The following CCM2 variants were observed in gnomAD, a reference collection of about 807,000 sequenced individuals.
The protein encoded by CCM2 is CCM2 scaffold protein, also known as cerebral cavernous malformations 2 protein.
A neutral mutation model predicts 44.9 loss-of-function variants in CCM2; 25 were observed. The ratio of observed to expected loss-of-function variants is 0.56; its 90% CI spans 0.41 to 0.78. The LOEUF is 0.78. Among genes scored for constraint, CCM2 ranks in the 30% least tolerant of loss-of-function variants. The pLI, the probability that CCM2 is intolerant of heterozygous loss-of-function variation, is 0.00. For missense variants in CCM2, 481 were observed against 580.6 expected, an observed-to-expected ratio of 0.83 and a Z score of 1.76; for synonymous variants, 219 against 241.1, an observed-to-expected ratio of 0.91 and a Z score of 0.85.
At position 45,076,133 on chromosome 7, in the gene CCM2, T is replaced by A; in HGVS notation, c.*76T>A. On this transcript the variant is annotated 3_prime_UTR_variant, in exon 10 of 10. Transcript: ENST00000258781. ...CTTCCCAGAAGGAGCTGCCCAGACCTGCGTGTCAGCCCTTGGTGGTGGCCA... is the reference window on the plus strand; with the variant it reads ...CTTCCCAGAAGGAGCTGCCCAGACCAGCGTGTCAGCCCTTGGTGGTGGCCA... 6.3e-7 allele frequency: 1 copy of A among 1,592,294 alleles called. No individual in the cohort carries two copies. The highest frequency in any genetic ancestry group is 8.5e-7 in the Non-Finnish European group (1 of 1,171,600).
intron 2 of CCM2, among the ~76,000 whole-genome samples, chr7:45,059,217 C>G (rs747505541): frequency 6.6e-6 from 1 of 152,072 alleles, no homozygotes; most frequent in Non-Finnish European, 1.5e-5. Context: ...CCTTGCACAC[C>G]TGGGATAAAT....
At chr7:45,011,527 GTTTTATT>G (rs991983971) in intron 1 of CCM2, among the ~76,000 whole-genome samples, 30 of 151,764 alleles carry the variant, frequency 2.0e-4, no homozygotes, top group African/African-American at 7.3e-4. Flanking sequence ...TTATTTTTAT[GTTTTATT>G]TTTTAATGGT....
chr7:45,038,895 A>G (rs1475703891), intron 2 of CCM2, among the ~76,000 whole-genome samples: 2 of 152,236 alleles, frequency 1.3e-5, no homozygotes, highest in Non-Finnish European at 2.9e-5. Context: ...TGTGACGTGC[A>G]TAAGTTGATT....
chr7:45,053,868 C>G (rs886122890), intron 2 of CCM2, among the ~76,000 whole-genome samples: 1 of 152,170 alleles, frequency 6.6e-6, no homozygotes, highest in African/African-American at 2.4e-5. Context: ...GTCTACTTCC[C>G]TGAGCCTTTC....
At chr7:45,053,551 C>G (rs1286036064) in intron 2 of CCM2, among the ~76,000 whole-genome samples, 2 of 152,196 alleles carry the variant, frequency 1.3e-5, no homozygotes, top group African/African-American at 2.4e-5. Context: ...CCCCTGGCTA[C>G]TATTTTGACT....
intron 1 of CCM2, among the ~76,000 whole-genome samples, chr7:45,036,635 G>C (rs1797230226): frequency 6.6e-6 from 1 of 152,120 alleles, no homozygotes; most frequent in Non-Finnish European, 1.5e-5. Context: ...ACTGAATAGT[G>C]TAGTCCTTGG....
At chr7:45,048,905 G>A (rs911894397) in intron 2 of CCM2, among the ~76,000 whole-genome samples, 6 of 152,188 alleles carry the variant, frequency 3.9e-5, no homozygotes, top group Non-Finnish European at 7.3e-5. Context: ...TTAATAATGG[G>A]ACAGGGTAAT....
In CCM2 at chr7:45,033,925, T is replaced by G. The variant is rs150042593; in HGVS notation, c.31-4328T>G. Among the ~76,000 whole-genome samples, 990 of 152,244 alleles carry G rather than the reference T, an allele frequency of 6.5e-3. 14 individuals are homozygous for G. Among genetic ancestry groups the G allele is most frequent in the African/African-American group, 0.022 (933 of 41,536 alleles). Reference sequence around the variant, plus strand: ...GCATGGCTAAAATTGCATCACTAAATTTTGAGGGCCGTTTTTAACTTACAG... The same window carrying G: ...GCATGGCTAAAATTGCATCACTAAAGTTTGAGGGCCGTTTTTAACTTACAG... On this transcript the variant is annotated intron_variant, in intron 1 of 9. Coordinates refer to ENST00000258781, the MANE Select transcript of CCM2 (RefSeq NM_031443.4).
At chr7:44,999,839 C>A (rs1165560274), upstream of CCM2, 1 of 432,068 alleles carries the variant, frequency 2.3e-6, no homozygotes, top group Non-Finnish European at 4.7e-6. Context: ...GTGGGCGGAG[C>A]GAACAGGGGG....
intron 1 of CCM2, among the ~76,000 whole-genome samples, chr7:45,037,058 A>ATCAG (rs1277724571): frequency 1.3e-5 from 2 of 152,118 alleles, no homozygotes; most frequent in East Asian, 3.9e-4. Flanking sequence ...GCGGCTGCAC[A>ATCAG]TCAGTGTCTT....
At chr7:45,001,962 C>T (rs1032648808) in intron 1 of CCM2, among the ~76,000 whole-genome samples, 7 of 152,090 alleles carry the variant, frequency 4.6e-5, no homozygotes, top group Non-Finnish European at 8.8e-5. Context: ...TGTATTCTGC[C>T]ACTTGTCTTA....
chr7:45,050,985 C>A (rs1797975456), intron 2 of CCM2, among the ~76,000 whole-genome samples: 1 of 152,074 alleles, frequency 6.6e-6, no homozygotes, highest in Non-Finnish European at 1.5e-5. Flanking sequence ...TGCTCTAAAG[C>A]CTAGAATGCC....
At chr7:45,040,187 A>G (rs1797418839) in intron 2 of CCM2, among the ~76,000 whole-genome samples, 1 of 151,376 alleles carries the variant, frequency 6.6e-6, no homozygotes, top group African/African-American at 2.4e-5. Flanking sequence ...GATTGAGACC[A>G]TCCTGGCTAA....
rs1456515218 is a variant in CCM2, at chr7:45,000,226, C to G, written c.-108C>G. The G allele has an allele frequency of 1.3e-5, 8 of 595,272 alleles. No homozygotes were observed. The highest frequency in any genetic ancestry group is 1.6e-5 in the Non-Finnish European group (8 of 505,732). The allele number at this position is 595,272 out of a possible 1,614,324, so 36.9% of individuals were successfully genotyped here. A position where few individuals can be genotyped will look rare whatever the true frequency, so the allele number is the denominator to read the frequency against. On this transcript the variant is annotated 5_prime_UTR_variant, in exon 1 of 10. Transcript: ENST00000258781. ...GGAGACTTCGGGCCCGGCTGGCGGG[C>G]GGCGCCGGGAGCGCGGGGGCGGCGG... is the stretch of plus-strand genomic sequence containing the variant.
chr7:45,076,337 A>G lies in CCM2; in HGVS notation c.*280A>G, dbSNP rs1184120893. 1.6e-6 allele frequency: 1 copy of G among 622,724 alleles called. No homozygotes were observed. Among genetic ancestry groups the G allele is most frequent in the Non-Finnish European group, 3.0e-6 (1 of 334,808 alleles). The allele number at this position is 622,724 out of a possible 1,614,324, so 38.6% of individuals were successfully genotyped here. On this transcript the variant is annotated 3_prime_UTR_variant, in exon 10 of 10. Transcript: ENST00000258781. ...TCGGGGAGGGCCCGGCCGAGCGGGC[A>G]GGGAGAGCCAGTCCTGTCGGCTGGG...
chr7:45,066,274 A>C (rs952964360), intron 4 of CCM2, among the ~76,000 whole-genome samples: 2 of 152,146 alleles, frequency 1.3e-5, no homozygotes, highest in African/African-American at 2.4e-5. Context: ...CCCCTGTGTT[A>C]CATAAGGTGT....
At chr7:45,034,512 CTTTTT>C (rs35845924) in intron 1 of CCM2, among the ~76,000 whole-genome samples, 1 of 65,222 alleles carries the variant, frequency 1.5e-5, no homozygotes, top group Non-Finnish European at 2.6e-5. Flanking sequence ...CATGCCTGGC[CTTTTT>C]TTTTTTTTTT....
chr7:45,001,617 A>G lies in CCM2; in HGVS notation c.30+1254A>G, dbSNP rs116357190. Among the ~76,000 whole-genome samples the G allele has an allele frequency of 7.9e-3, 1,209 of 152,328 alleles. 17 individuals carry two copies. Among genetic ancestry groups the G allele is most frequent in the African/African-American group, 0.027 (1,136 of 41,558 alleles). On this transcript the variant is annotated intron_variant, in intron 1 of 9. Coordinates refer to ENST00000258781, the MANE Select transcript of CCM2 (RefSeq NM_031443.4). Reference sequence around the variant, plus strand: ...AATGCCGGGATCCAAGAGCGCGCTAAGGACTGATGACCTCATTGTGCACCG... The same window carrying G: ...AATGCCGGGATCCAAGAGCGCGCTAGGGACTGATGACCTCATTGTGCACCG...
At chr7:45,060,022 A>T (rs1161086144) in intron 2 of CCM2, among the ~76,000 whole-genome samples, 2 of 152,226 alleles carry the variant, frequency 1.3e-5, no homozygotes, top group African/African-American at 4.8e-5. Context: ...AAAATAAAAG[A>T]TTAATTTTAC....
Sources: gnomAD v4.1 joint callset for allele counts (sites outside exome capture counted in the v4.1 genomes callset) on GRCh38, gnomAD v4.1.1 for gene constraint, MANE v1.5 for transcripts, NCBI Gene and HGNC (gene_info 2026-07-23, HGNC 2026-07-21) for gene names.